USP31: variants seen among roughly 807,000 people sequenced by gnomAD.
USP31 encodes ubiquitin specific peptidase 31.
USP31 carries 44 observed loss-of-function variants against 119.4 expected under a neutral mutation model. The observed-to-expected ratio is 0.37, with a 90% CI of 0.29 to 0.47. The LOEUF is 0.47. USP31 is among the 20% of genes least tolerant of loss of function. The pLI, the probability that USP31 is intolerant of heterozygous loss-of-function variation, is 0.99. For missense variants in USP31, 1,643 were observed against 1,730.2 expected (o/e 0.95, Z 0.89); for synonymous variants, 749 against 705.6 (o/e 1.06, Z -0.97).
rs1405213117 is a variant in USP31, at chr16:23,068,723, T to C, written c.3382A>G (p.Thr1128Ala). 1.9e-6 allele frequency: 3 copies of C among 1,612,038 alleles called. No individual in the cohort carries two copies. The South Asian group carries it at 3.3e-5, about 18-fold the overall frequency. ...GGGCCCGAGGCCTTTTTGGCAGATG[T>C]GGAGGAAGCAGTGTAGGTGAGGGCC... is the stretch of plus-strand genomic sequence containing the variant. Reference protein sequence around the residue: ...ASALTYTASSTSAKKASGPAT... With the variant: ...ASALTYTASSASAKKASGPAT... The change falls in exon 16 of 16, where the codon ACA (threonine) becomes GCA (alanine). Residue 1128 changes from threonine (T) to alanine (A), a missense_variant. By Grantham distance (58) the Thr-to-Ala change is moderately conservative (BLOSUM62 0). Coordinates refer to ENST00000219689, the MANE Select transcript of USP31 (RefSeq NM_020718.4).
intron 1 of USP31, among the ~76,000 whole-genome samples, chr16:23,135,445 A>T (rs928714246): frequency 6.6e-6 from 1 of 152,200 alleles, no homozygotes; most frequent in Non-Finnish European, 1.5e-5. Flanking sequence ...AGAAACACCT[A>T]AAGATTCCAC....
intron 13 of USP31, among the ~76,000 whole-genome samples, chr16:23,075,301 G>A (rs531758826): frequency 6.6e-6 from 1 of 152,294 alleles, no homozygotes; most frequent in East Asian, 1.9e-4. Context: ...CTGGAGTGGT[G>A]AGTGGGAGCA....
intron 1 of USP31, among the ~76,000 whole-genome samples, chr16:23,123,445 G>A (rs1902743673): frequency 6.6e-6 from 1 of 152,062 alleles, no homozygotes; most frequent in African/African-American, 2.4e-5. Context: ...GGCTGAAGCA[G>A]GAGAATCACT....
intron 14 of USP31, 170 bp from the exon 15 acceptor site, chr16:23,072,367 TC>T: frequency 1.2e-6 from 1 of 848,126 alleles, no homozygotes; most frequent in Admixed American, 2.3e-5. Context: ...TGTCCGAATA[TC>T]CCCAGTTAAG....
Position 23,069,079 on chromosome 16 carries a change from G to A in USP31, c.3026C>T (p.Pro1009Leu). 2 of 1,612,354 alleles carry A rather than the reference G, an allele frequency of 1.2e-6. No homozygotes were observed. The highest frequency in any genetic ancestry group is 1.7e-6 in the Non-Finnish European group (2 of 1,180,016). Reference protein sequence around the residue: ...DSSPVKEVKAPSHPGSLAKKP... With the variant: ...DSSPVKEVKALSHPGSLAKKP... ...CTTTGCGAGTGAGCCTGGGTGGCTG[G>A]GGGCTTTCACCTCTTTGACTGGAGA... Residue 1009 changes from proline (P) to leucine (L), a missense_variant, in exon 16 of 16, where the codon CCC becomes CTC. Pro to Leu is a moderately conservative substitution (Grantham distance 98). Coordinates refer to ENST00000219689, the MANE Select transcript of USP31 (RefSeq NM_020718.4).
rs1430620294 is a variant in USP31 at position 23,066,735 on chromosome 16, A to G, written c.*1311T>C. On this transcript the variant is annotated 3_prime_UTR_variant, in exon 16 of 16. Transcript: ENST00000219689. Reference sequence around the variant, plus strand: ...CTTGAAAAAGCTTGCAAAACTATATACTTTGCTTATCTGTGAGGTTTTTTT... The same window carrying G: ...CTTGAAAAAGCTTGCAAAACTATATGCTTTGCTTATCTGTGAGGTTTTTTT... The G allele has an allele frequency of 2.0e-5, 3 of 152,098 alleles. No homozygotes were observed. The highest frequency in any genetic ancestry group is 4.4e-5 in the Non-Finnish European group (3 of 68,016). The allele number at this position is 152,098 out of a possible 1,614,324, so 9.4% of individuals were successfully genotyped here.
chr16:23,149,006 C>T lies in USP31; in HGVS notation c.265G>A (p.Gly89Ser), dbSNP rs1903626059. 9.0e-7 allele frequency: 1 copy of T among 1,106,248 alleles called. No individual in the cohort carries two copies. The highest frequency in any genetic ancestry group is 1.1e-6 in the Non-Finnish European group (1 of 894,130). The allele number at this position is 1,106,248 out of a possible 1,614,324, so 68.5% of individuals were successfully genotyped here. Residue 89 changes from glycine (G) to serine (S), a missense_variant, in exon 1 of 16, where the codon GGC (glycine) becomes AGC (serine). Around this residue, in one of 5 missense-constraint regions of USP31, gnomAD observed 302 missense variants for 262.6 expected, o/e 1.15. Transcript: ENST00000219689. ...CCGGGCGGGAAGCAGCTGCGGAGGC[C>T]GCCGCGGTCTGGGGCGGCGCCCTCA... is the stretch of plus-strand genomic sequence containing the variant. The part of the protein sequence containing the change: ...SSEGAAPDRG[G>S]LRSCFPPGPA...
intron 6 of USP31, among the ~76,000 whole-genome samples, chr16:23,101,332 T>C (rs984960187): frequency 6.6e-6 from 1 of 152,180 alleles, no homozygotes; most frequent in African/African-American, 2.4e-5. Flanking sequence ...AGTGCCATTA[T>C]TTCTAGAAAA....
rs1360347315 is a variant in USP31 at position 23,092,525 on chromosome 16, G to A, written c.1235-1721C>T. On this transcript the variant is annotated intron_variant, in intron 6 of 15. Transcript: ENST00000219689. The stretch of plus-strand genomic sequence containing the variant: ...TGTGAGAGATTAACAGAAGTTAACT[G>A]CCCAGAAGAGCAGGAGTTCGCCAGC... Among the ~76,000 whole-genome samples the A allele has an allele frequency of 2.0e-5, 3 of 152,160 alleles. No individual in the cohort carries two copies. The East Asian group carries it at 5.8e-4, about 29-fold the overall frequency.
intron 1 of USP31, among the ~76,000 whole-genome samples, chr16:23,113,118 C>G (rs1191779387): frequency 6.6e-6 from 1 of 152,092 alleles, no homozygotes; most frequent in Admixed American, 6.5e-5. Flanking sequence ...GTAGGTGTCA[C>G]TATACTGACG....
At chr16:23,104,405 G>A (rs1902008291) in intron 5 of USP31, among the ~76,000 whole-genome samples, 1 of 152,166 alleles carries the variant, frequency 6.6e-6, no homozygotes, top group Admixed American at 6.5e-5. Flanking sequence ...AGACAGTGCT[G>A]GAAGCTCTAA....
intron 1 of USP31, among the ~76,000 whole-genome samples, chr16:23,135,406 CTT>C (rs1411315308): frequency 6.6e-6 from 1 of 152,104 alleles, no homozygotes; most frequent in East Asian, 1.9e-4. Context: ...AAAATGATCT[CTT>C]TTCACAAATG....
intron 5 of USP31, among the ~76,000 whole-genome samples, chr16:23,104,248 C>G (rs1902001391): frequency 1.3e-5 from 2 of 152,220 alleles, no homozygotes. Flanking sequence ...AAAAATGTTC[C>G]TGGCACATTT....
At position 23,148,994 on chromosome 16, in the gene USP31, A is replaced by C. The variant is rs1268113119; in HGVS notation, c.277T>G (p.Cys93Gly). Residue 93 changes from cysteine (C) to glycine (G), a missense_variant, in exon 1 of 16, where the codon TGC becomes GGC. Coordinates refer to ENST00000219689, the MANE Select transcript of USP31 (RefSeq NM_020718.4). The part of the protein sequence containing the change: ...AAPDRGGLRS[C>G]FPPGPAAAPT... ...GCGGCGGCCGGCCCGGGCGGGAAGC[A>C]GCTGCGGAGGCCGCCGCGGTCTGGG... 1 of 1,069,368 alleles carries C rather than the reference A, an allele frequency of 9.4e-7. No individual in the cohort carries two copies. Among genetic ancestry groups the C allele is most frequent in the South Asian group, 3.7e-5 (1 of 27,156 alleles). The allele number at this position is 1,069,368 out of a possible 1,614,324, so 66.2% of individuals were successfully genotyped here. A position where few individuals can be genotyped will look rare whatever the true frequency, so the allele number is the denominator to read the frequency against.
At chr16:23,099,405 G>A (rs1901753713) in intron 6 of USP31, among the ~76,000 whole-genome samples, 1 of 152,228 alleles carries the variant, frequency 6.6e-6, no homozygotes, top group African/African-American at 2.4e-5. Flanking sequence ...GTGGAAGACA[G>A]TGTTGCAATT....
At chr16:23,108,491 A>G (rs1323006499) in intron 1 of USP31, among the ~76,000 whole-genome samples, 1 of 152,246 alleles carries the variant, frequency 6.6e-6, no homozygotes, top group Non-Finnish European at 1.5e-5. Flanking sequence ...ATAATTGGTA[A>G]TAACTTGGAC....
intron 13 of USP31, chr16:23,078,963 C>T (rs1422292857): frequency 6.6e-6 from 1 of 152,154 alleles, no homozygotes; most frequent in African/African-American, 2.4e-5. Context: ...AATAACCAGT[C>T]ACAAAAGAAC....
intron 1 of USP31, among the ~76,000 whole-genome samples, chr16:23,113,235 T>C (rs146881377): frequency 6.3e-4 from 96 of 152,136 alleles, no homozygotes; most frequent in African/African-American, 2.2e-3. Flanking sequence ...TTTGAACAAG[T>C]TGCATTTGAG....
At chr16:23,093,871 G>A (rs1024091136) in intron 6 of USP31, among the ~76,000 whole-genome samples, 1 of 152,226 alleles carries the variant, frequency 6.6e-6, no homozygotes, top group Non-Finnish European at 1.5e-5. Context: ...GGAATGAAGT[G>A]GATCCGTTCC....
Sources: allele counts gnomAD v4.1 joint callset (sites outside exome capture counted in the v4.1 genomes callset), GRCh38; gene constraint gnomAD v4.1.1; regional missense constraint gnomAD v4.1.1; transcripts MANE v1.5; gene names NCBI Gene and HGNC (gene_info 2026-07-23, HGNC 2026-07-21).